The following TMCC1 variants were observed in gnomAD, a reference collection of about 807,000 sequenced individuals.
The protein encoded by TMCC1 is transmembrane and coiled-coil domain family 1, also known as transmembrane and coiled-coil domains protein 1.
Under a neutral mutation model 52.4 loss-of-function variants are expected in TMCC1, and 15 were observed. The observed-to-expected ratio is 0.29, with a 90% CI of 0.19 to 0.44. The LOEUF is 0.44. TMCC1 is among the 20% of genes least tolerant of loss of function. TMCC1 has a pLI of 1.00. For missense variants in TMCC1, 503 were observed against 806.0 expected, an observed-to-expected ratio of 0.62 and a Z score of 4.55; for synonymous variants, 279 against 301.9, an observed-to-expected ratio of 0.92 and a Z score of 0.79.
chr3:129,866,637 A>G (rs987379702), intron 2 of TMCC1, among the ~76,000 whole-genome samples: 4 of 152,108 alleles, frequency 2.6e-5, no homozygotes, highest in African/African-American at 9.6e-5. Flanking sequence ...TTGGCCTCCC[A>G]AAGTGCTGGG....
chr3:129,656,309 G>A (rs72977226), intron 5 of TMCC1, among the ~76,000 whole-genome samples: 14,730 of 152,224 alleles, frequency 0.097, 836 homozygotes, highest in African/African-American at 0.15. Context: ...CAGGCAGAGG[G>A]CAGATGGGTA....
At chr3:129,654,045 AGT>A (rs1394857109) in intron 6 of TMCC1, among the ~76,000 whole-genome samples, 2 of 152,168 alleles carry the variant, frequency 1.3e-5, no homozygotes, top group Non-Finnish European at 2.9e-5. Flanking sequence ...CCCCAAAAAA[AGT>A]GTCTGTTCTC....
intron 4 of TMCC1, among the ~76,000 whole-genome samples, chr3:129,819,540 A>G (rs538408669): frequency 1.3e-5 from 2 of 152,342 alleles, no homozygotes; most frequent in Admixed American, 6.5e-5. Flanking sequence ...AAAATTAAAG[A>G]TGAAAGGTAA....
chr3:129,767,145 C>G (rs996164178), intron 4 of TMCC1, among the ~76,000 whole-genome samples: 2 of 151,566 alleles, frequency 1.3e-5, no homozygotes, highest in Non-Finnish European at 2.9e-5. Context: ...CCTGTAATCC[C>G]AGCTCCTCAG....
chr3:129,688,185 CCT>C (rs2089544761), intron 4 of TMCC1: 4 of 985,312 alleles, frequency 4.1e-6, no homozygotes, highest in Non-Finnish European at 4.8e-6. Flanking sequence ...ACCAAAACCC[CCT>C]GTCAGGCAGT....
At chr3:129,736,590 C>T (rs1035994696) in intron 4 of TMCC1, among the ~76,000 whole-genome samples, 4 of 150,384 alleles carry the variant, frequency 2.7e-5, no homozygotes, top group African/African-American at 7.4e-5. Context: ...GGCACAATCT[C>T]GGCTCACTGC....
rs536745563 is a variant in TMCC1 at position 129,821,807 on chromosome 3, G to T, written c.576+5996C>A. Among the ~76,000 whole-genome samples, 5 of 152,282 alleles carry T rather than the reference G, an allele frequency of 3.3e-5. No individual in the cohort carries two copies. The South Asian group carries it at 1.0e-3, about 32-fold the overall frequency. On this transcript the variant is annotated intron_variant, in intron 4 of 6. Transcript: ENST00000393238. ...TGGCCACATGCAGTGGCTCACACCT[G>T]TAATCCCAGCACTTTGGGAGGCTGA...
intron 5 of TMCC1, among the ~76,000 whole-genome samples, chr3:129,663,478 G>A (rs557254782): frequency 2.6e-5 from 4 of 152,238 alleles, no homozygotes; most frequent in East Asian, 3.9e-4. Context: ...TATGACTTGC[G>A]GTGGGAGTTT....
intron 1 of TMCC1, among the ~76,000 whole-genome samples, chr3:129,880,826 T>G (rs1397544465): frequency 6.6e-6 from 1 of 151,962 alleles, no homozygotes; most frequent in Non-Finnish European, 1.5e-5. Context: ...ATACTTCTGG[T>G]CTGAAGTATA....
chr3:129,749,890 C>T (rs2107652736), intron 4 of TMCC1, among the ~76,000 whole-genome samples: 1 of 152,196 alleles, frequency 6.6e-6, no homozygotes, highest in Middle Eastern at 3.4e-3. Context: ...ATCTATGACT[C>T]AAATATCCTG....
At chr3:129,705,175 C>T (rs1034905241) in intron 4 of TMCC1, among the ~76,000 whole-genome samples, 1 of 152,174 alleles carries the variant, frequency 6.6e-6, no homozygotes, top group African/African-American at 2.4e-5. Context: ...CCCTTGATAT[C>T]TATACAGCTG....
At chr3:129,799,991 T>C (rs1000257914) in intron 4 of TMCC1, among the ~76,000 whole-genome samples, 2 of 152,186 alleles carry the variant, frequency 1.3e-5, no homozygotes, top group African/African-American at 4.8e-5. Flanking sequence ...TATCAAGATA[T>C]AGAATATTTG....
intron 4 of TMCC1, among the ~76,000 whole-genome samples, chr3:129,738,707 T>C (rs2051196180): frequency 6.6e-6 from 1 of 152,184 alleles, no homozygotes; most frequent in Non-Finnish European, 1.5e-5. Context: ...TTCATTGTAA[T>C]TTTTTTCATT....
intron 4 of TMCC1, among the ~76,000 whole-genome samples, chr3:129,681,125 T>C (rs904879475): frequency 2.0e-4 from 30 of 152,126 alleles, no homozygotes; most frequent in African/African-American, 7.0e-4. Flanking sequence ...AAAATGTGTA[T>C]ATTATAATAT....
At position 129,832,758 on chromosome 3, in the gene TMCC1, A is replaced by G. The variant is rs1262601255; in HGVS notation, c.-131+16T>C. On this transcript the variant is annotated intron_variant, in intron 3 of 6. Coordinates refer to ENST00000393238, the MANE Select transcript of TMCC1 (RefSeq NM_001017395.5). Reference sequence around the variant, plus strand: ...CCAAGTTAAATTTCACTGACTACAAAGAGTTGGATACTTGCCTTCATCACT... The same window carrying G: ...CCAAGTTAAATTTCACTGACTACAAGGAGTTGGATACTTGCCTTCATCACT... The G allele has an allele frequency of 6.6e-6, 1 of 152,198 alleles. No individual in the cohort carries two copies. Among genetic ancestry groups the G allele is most frequent in the Non-Finnish European group, 1.5e-5 (1 of 68,042 alleles). The allele number at this position is 152,198 out of a possible 1,614,324, so 9.4% of individuals were successfully genotyped here.
Position 129,696,130 on chromosome 3 carries a change from A to C in TMCC1, c.577-24866T>G, listed in dbSNP as rs569034130. Among the ~76,000 whole-genome samples the C allele has an allele frequency of 2.0e-5, 3 of 152,340 alleles. No homozygotes were observed. The South Asian group carries it at 6.2e-4, about 32-fold the overall frequency. ...CTCCCAATCCTGAAGAGATTAACTG[A>C]GAGTCTAGCACCTTTTAGAGGTCTG... On this transcript the variant is annotated intron_variant, in intron 4 of 6. Coordinates refer to ENST00000393238, the MANE Select transcript of TMCC1 (RefSeq NM_001017395.5).
chr3:129,656,924 CA>C (rs1242928517), intron 5 of TMCC1, among the ~76,000 whole-genome samples: 1 of 152,176 alleles, frequency 6.6e-6, no homozygotes, highest in East Asian at 1.9e-4. Flanking sequence ...CACAAAATGC[CA>C]TAAGATAATG....
intron 4 of TMCC1, among the ~76,000 whole-genome samples, chr3:129,778,289 TA>T (rs1560398453): frequency 6.6e-6 from 1 of 152,170 alleles, no homozygotes; most frequent in Non-Finnish European, 1.5e-5. Flanking sequence ...GGGTCTGCAA[TA>T]AAAAACAATT....
At chr3:129,823,769 G>C (rs1216474759) in intron 4 of TMCC1, among the ~76,000 whole-genome samples, 1 of 152,186 alleles carries the variant, frequency 6.6e-6, no homozygotes, top group Non-Finnish European at 1.5e-5. Context: ...ATAAACCAAA[G>C]AGTAGTGGAC....
Sources: allele counts gnomAD v4.1 joint callset (sites outside exome capture counted in the v4.1 genomes callset), GRCh38; gene constraint gnomAD v4.1.1; transcripts MANE v1.5; gene names NCBI Gene and HGNC (gene_info 2026-07-23, HGNC 2026-07-21).